Variants in ACTR3C observed in about 807,000 individuals in gnomAD.
ACTR3C encodes actin related protein 3C.
ACTR3C carries 18 observed loss-of-function variants against 26.3 expected under a neutral mutation model. The ratio of observed to expected loss-of-function variants is 0.68; its 90% CI spans 0.47 to 1.01. ACTR3C has a LOEUF of 1.01. ACTR3C is among the 50% of genes least tolerant of loss of function. The probability of loss-of-function intolerance (pLI) is 0.00; values close to 1 mark genes in which losing one functional copy is unlikely to be tolerated. For missense variants in ACTR3C, 184 were observed against 250.7 expected (o/e 0.73, Z 1.80); for synonymous variants, 55 against 94.5 (o/e 0.58, Z 2.42).
the ACTR3C span, among the ~76,000 whole-genome samples, chr7:150,152,791 C>A: frequency 2.0e-5 from 3 of 152,074 alleles, no homozygotes; most frequent in Non-Finnish European, 2.9e-5. Flanking sequence ...GGTTGGTAAG[C>A]TATTGATTAT....
chr7:149,962,607 G>GA, the ACTR3C span, among the ~76,000 whole-genome samples: 17 of 152,100 alleles, frequency 1.1e-4, no homozygotes, highest in Admixed American at 3.9e-4. Flanking sequence ...CCTGTACAAG[G>GA]AGCTGTGGAA....
chr7:149,917,848 CT>C, the ACTR3C span, among the ~76,000 whole-genome samples: 1 of 151,786 alleles, frequency 6.6e-6, no homozygotes, highest in South Asian at 2.1e-4. Context: ...ATTGAGACCC[CT>C]GGTGAGGTCC....
the ACTR3C span, chr7:149,891,469 A>C: frequency 5.7e-5 from 27 of 473,440 alleles, no homozygotes; most frequent in Non-Finnish European, 9.8e-5. Context: ...AAAAAGATTA[A>C]GTTACATTAT....
chr7:149,943,139 C>T, the ACTR3C span, among the ~76,000 whole-genome samples: 1 of 150,246 alleles, frequency 6.7e-6, no homozygotes, highest in Admixed American at 6.6e-5. Flanking sequence ...TTTATTGGTA[C>T]ACAGTCACAC....
chr7:150,308,217 T>C (rs73472376), intron 1 of ACTR3C, among the ~76,000 whole-genome samples: 7,194 of 152,144 alleles, frequency 0.047, 585 homozygotes, highest in African/African-American at 0.16. Flanking sequence ...CCTCTTTTCT[T>C]GGAACTTACC....
At chr7:149,978,355 T>C in the ACTR3C span, among the ~76,000 whole-genome samples, 1 of 151,108 alleles carries the variant, frequency 6.6e-6, no homozygotes, top group Admixed American at 6.6e-5. Flanking sequence ...CAAGACCCAC[T>C]CCAAAATAAA....
chr7:150,016,076 T>G, the ACTR3C span, among the ~76,000 whole-genome samples: 6 of 151,926 alleles, frequency 3.9e-5, no homozygotes, highest in African/African-American at 1.5e-4. Context: ...TTCAAACTGC[T>G]ACCAAGCACA....
At chr7:150,203,567 G>GTT in the ACTR3C span, among the ~76,000 whole-genome samples, 1 of 151,510 alleles carries the variant, frequency 6.6e-6, no homozygotes, top group African/African-American at 2.4e-5. Context: ...GTTTTTTTCT[G>GTT]TTTTTTTTGT....
the ACTR3C span, among the ~76,000 whole-genome samples, chr7:150,205,337 C>T: frequency 1.4e-4 from 21 of 152,202 alleles, no homozygotes; most frequent in Non-Finnish European, 8.8e-5. Context: ...TTCGTTAGAG[C>T]TTATTTGATT....
At chr7:149,962,005 C>T in the ACTR3C span, among the ~76,000 whole-genome samples, 1 of 152,196 alleles carries the variant, frequency 6.6e-6, no homozygotes, top group South Asian at 2.1e-4. Context: ...AGGGTGTGCT[C>T]ACCGGAAGTG....
chr7:150,038,632 G>C, the ACTR3C span, among the ~76,000 whole-genome samples: 4 of 145,382 alleles, frequency 2.8e-5, 1 homozygote, highest in African/African-American at 7.9e-5. Flanking sequence ...AGCTGCGTTC[G>C]GACCCGTCGG....
At chr7:150,079,011 C>T in the ACTR3C span, among the ~76,000 whole-genome samples, 2 of 152,130 alleles carry the variant, frequency 1.3e-5, no homozygotes, top group Admixed American at 6.5e-5. Flanking sequence ...AAATGGTGGT[C>T]CTTTACTGCA....
the ACTR3C span, among the ~76,000 whole-genome samples, chr7:149,967,364 G>T: frequency 6.6e-6 from 1 of 152,034 alleles, no homozygotes; most frequent in African/African-American, 2.4e-5. Context: ...TAGAGACAGG[G>T]TTTCACCATG....
the ACTR3C span, among the ~76,000 whole-genome samples, chr7:150,211,446 T>C: frequency 6.6e-6 from 1 of 151,780 alleles, no homozygotes; most frequent in Non-Finnish European, 1.5e-5. Flanking sequence ...CGTGCCTGGC[T>C]AATTTTTGTA....
the ACTR3C span, among the ~76,000 whole-genome samples, chr7:150,055,838 A>T: frequency 1.3e-5 from 2 of 152,118 alleles, no homozygotes; most frequent in African/African-American, 4.8e-5. Context: ...TTCATAAAAA[A>T]ATCTTCCGTG....
chr7:150,087,474 G>A, the ACTR3C span, among the ~76,000 whole-genome samples: 2 of 152,176 alleles, frequency 1.3e-5, 1 homozygote, highest in Non-Finnish European at 2.9e-5. Flanking sequence ...GATTACATAC[G>A]CTACAGGACT....
chr7:150,323,092 G>A (rs1252262257), intron 1 of ACTR3C: 4 of 168,566 alleles, frequency 2.4e-5, no homozygotes, highest in African/African-American at 9.6e-5. Flanking sequence ...ATTGAACAAG[G>A]GCTTGGAGGT....
chr7:150,166,648 A>C, the ACTR3C span, among the ~76,000 whole-genome samples: 5 of 150,354 alleles, frequency 3.3e-5, no homozygotes, highest in African/African-American at 5.0e-5. Context: ...GCAGTGAGCC[A>C]AGATGGTGCC....
At chr7:150,252,786 G>A (rs59745375) in intron 6 of ACTR3C, among the ~76,000 whole-genome samples, 4,223 of 152,226 alleles carry the variant, frequency 0.028, 182 homozygotes, top group African/African-American at 0.097. Context: ...ATAACATACT[G>A]GGAATAGGAT....
Sources: allele counts gnomAD v4.1 joint callset (sites outside exome capture counted in the v4.1 genomes callset), GRCh38; gene constraint gnomAD v4.1.1; transcripts MANE v1.5; gene names NCBI Gene and HGNC (gene_info 2026-07-23, HGNC 2026-07-21).